Variants in RAD51B observed in about 807,000 individuals in gnomAD.
RAD51B encodes the protein RAD51 paralog B, also known as DNA repair protein RAD51 homolog 2.
Under a neutral mutation model 42.2 loss-of-function variants are expected in RAD51B, and 38 were observed. The observed-to-expected ratio is 0.90, with a 90% CI of 0.70 to 1.18. The LOEUF is 1.18. Among genes scored for constraint, RAD51B ranks in the 50% most tolerant of loss-of-function variants. RAD51B has a pLI of 0.00. For missense variants in RAD51B, 373 were observed against 400.7 expected, an observed-to-expected ratio of 0.93 and a Z score of 0.59; for synonymous variants, 154 against 145.2, an observed-to-expected ratio of 1.06 and a Z score of -0.43.
chr14:68,583,771 T>C (rs772793086), intron 10 of RAD51B, among the ~76,000 whole-genome samples: 7 of 152,224 alleles, frequency 4.6e-5, no homozygotes, highest in Non-Finnish European at 1.0e-4. Flanking sequence ...ACCCACAACT[T>C]GGCCTTGGGC....
At chr14:67,901,106 T>A (rs2043597514) in intron 7 of RAD51B, among the ~76,000 whole-genome samples, 1 of 152,208 alleles carries the variant, frequency 6.6e-6, no homozygotes, top group Non-Finnish European at 1.5e-5. Context: ...GTCTTTTATG[T>A]GGCAAGAGCA....
intron 7 of RAD51B, among the ~76,000 whole-genome samples, chr14:68,092,582 G>C (rs1159741486): frequency 6.6e-6 from 1 of 152,186 alleles, no homozygotes; most frequent in African/African-American, 2.4e-5. Context: ...TTGCTTATCA[G>C]CTTAAGGAGA....
chr14:68,650,952 C>T (rs1336076355), intron 11 of RAD51B: 11 of 631,774 alleles, frequency 1.7e-5, no homozygotes, highest in Non-Finnish European at 2.6e-5. Flanking sequence ...CCAAGAACCT[C>T]AAAAGCATAG....
chr14:67,864,390 G>A (rs565636823), intron 4 of RAD51B, among the ~76,000 whole-genome samples: 1 of 152,310 alleles, frequency 6.6e-6, no homozygotes, highest in East Asian at 1.9e-4. Flanking sequence ...CTCAACAGTT[G>A]TTTATAAAGC....
intron 7 of RAD51B, among the ~76,000 whole-genome samples, chr14:67,959,991 A>G (rs1439319393): frequency 6.6e-6 from 1 of 152,080 alleles, no homozygotes; most frequent in Non-Finnish European, 1.5e-5. Context: ...AGGCTGAGGC[A>G]GGAGAATTGC....
At chr14:68,511,809 G>C (rs898658533) in intron 10 of RAD51B, among the ~76,000 whole-genome samples, 5 of 152,186 alleles carry the variant, frequency 3.3e-5, no homozygotes, top group Non-Finnish European at 1.5e-5. Context: ...GGGGCATAGG[G>C]AGTCCAGGAT....
At chr14:68,238,876 TTAGCCTG>T (rs1476389787) in intron 7 of RAD51B, among the ~76,000 whole-genome samples, 1 of 152,194 alleles carries the variant, frequency 6.6e-6, no homozygotes, top group Non-Finnish European at 1.5e-5. Flanking sequence ...GTTGCTCTTC[TTAGCCTG>T]TTTCTGGATC....
chr14:68,342,400 A>G (rs1431721800), intron 8 of RAD51B, among the ~76,000 whole-genome samples: 1 of 152,204 alleles, frequency 6.6e-6, no homozygotes, highest in African/African-American at 2.4e-5. Flanking sequence ...CTCCTTAGGG[A>G]AAGTGGAATG....
intron 8 of RAD51B, among the ~76,000 whole-genome samples, chr14:68,356,501 T>A (rs2082906875): frequency 6.6e-6 from 1 of 151,692 alleles, no homozygotes; most frequent in South Asian, 2.1e-4. Flanking sequence ...AGTATTATAT[T>A]TTTTAAAAAC....
intron 7 of RAD51B, among the ~76,000 whole-genome samples, chr14:68,233,540 T>C (rs2080188167): frequency 6.6e-6 from 1 of 152,226 alleles, no homozygotes; most frequent in Non-Finnish European, 1.5e-5. Flanking sequence ...AGTACCTGAG[T>C]ATGCTAGTCA....
At chr14:68,260,596 T>C (rs2139543429) in intron 7 of RAD51B, among the ~76,000 whole-genome samples, 1 of 152,244 alleles carries the variant, frequency 6.6e-6, no homozygotes, top group South Asian at 2.1e-4. Context: ...TAGGGGGATC[T>C]TAGCAAAGCC....
intron 7 of RAD51B, among the ~76,000 whole-genome samples, chr14:68,066,697 G>A (rs948007657): frequency 6.6e-6 from 1 of 152,168 alleles, no homozygotes; most frequent in Non-Finnish European, 1.5e-5. Context: ...TGAGGCAGGA[G>A]GATTTCTTGT....
At chr14:68,187,368 A>G (rs1468664559) in intron 7 of RAD51B, among the ~76,000 whole-genome samples, 2 of 152,134 alleles carry the variant, frequency 1.3e-5, no homozygotes, top group Non-Finnish European at 2.9e-5. Context: ...ATAAAAGTTG[A>G]AAAAGAAAAA....
chr14:68,103,556 G>A (rs1055244091), intron 7 of RAD51B, among the ~76,000 whole-genome samples: 1 of 152,158 alleles, frequency 6.6e-6, no homozygotes, highest in Non-Finnish European at 1.5e-5. Context: ...AGTGTGGGTT[G>A]CTTTAACTAT....
chr14:68,384,690 T>G (rs2083554721), intron 8 of RAD51B, among the ~76,000 whole-genome samples: 1 of 152,210 alleles, frequency 6.6e-6, no homozygotes, highest in African/African-American at 2.4e-5. Context: ...TTGTTTTCAT[T>G]TCCGAGTTGC....
intron 7 of RAD51B, among the ~76,000 whole-genome samples, chr14:68,272,647 ATATATATATATATATATATTTTTT>A (rs2081132041): frequency 8.4e-5 from 1 of 11,900 alleles, no homozygotes; most frequent in South Asian, 2.5e-3. Context: ...ATATATATAT[ATATATATATATATATATATTTTTT>A]TTTTTTTTTT....
chr14:68,197,586 G>T (rs2079398606), intron 7 of RAD51B, among the ~76,000 whole-genome samples: 1 of 152,056 alleles, frequency 6.6e-6, no homozygotes, highest in African/African-American at 2.4e-5. Flanking sequence ...TCCAAAGTAG[G>T]TTATACAAAT....
At chr14:68,240,044 A>G (rs1294997049) in intron 7 of RAD51B, among the ~76,000 whole-genome samples, 1 of 152,236 alleles carries the variant, frequency 6.6e-6, no homozygotes, top group Non-Finnish European at 1.5e-5. Context: ...CTTCTCACTA[A>G]ATGTGACACT....
intron 10 of RAD51B, chr14:68,562,268 T>C (rs1889192539): frequency 2.0e-6 from 2 of 985,380 alleles, no homozygotes; most frequent in South Asian, 4.7e-5. Flanking sequence ...GGGGGCCAGA[T>C]CTTTGCAACG....
Sources: gnomAD v4.1 joint callset for allele counts (sites outside exome capture counted in the v4.1 genomes callset) on GRCh38, gnomAD v4.1.1 for gene constraint, MANE v1.5 for transcripts, NCBI Gene and HGNC (gene_info 2026-07-23, HGNC 2026-07-21) for gene names.